Variants in FSTL4 observed in about 807,000 individuals in gnomAD.
FSTL4 encodes follistatin like 4.
A neutral mutation model predicts 78.2 loss-of-function variants in FSTL4; 28 were observed. The observed-to-expected ratio is 0.36, with a 90% confidence interval of 0.27 to 0.49. The LOEUF (loss-of-function observed/expected upper bound fraction) is 0.49. FSTL4 is among the 20% of genes least tolerant of loss of function. The pLI is 0.98. For synonymous variants in FSTL4, 422 were observed against 440.5 expected, an observed-to-expected ratio of 0.96 and a Z score of 0.53; for missense variants, 922 against 1,084.9, an observed-to-expected ratio of 0.85 and a Z score of 2.11.
intron 4 of FSTL4, among the ~76,000 whole-genome samples, chr5:133,396,247 G>A (rs1756042796): frequency 6.6e-6 from 1 of 152,212 alleles, no homozygotes. Flanking sequence ...TTGACACTGC[G>A]TAGAGAAGAA....
chr5:133,435,074 G>A (rs904807857), intron 3 of FSTL4, among the ~76,000 whole-genome samples: 1 of 152,122 alleles, frequency 6.6e-6, no homozygotes, highest in African/African-American at 2.4e-5. Context: ...ATATACAGAA[G>A]CTTAAAGATT....
At chr5:133,336,437 C>G (rs1216850385) in intron 4 of FSTL4, among the ~76,000 whole-genome samples, 1 of 152,240 alleles carries the variant, frequency 6.6e-6, no homozygotes, top group Non-Finnish European at 1.5e-5. Context: ...GACTTCCCTT[C>G]TGGCTGTCTC....
intron 4 of FSTL4, among the ~76,000 whole-genome samples, chr5:133,399,167 G>A (rs940742334): frequency 2.6e-5 from 4 of 152,176 alleles, no homozygotes; most frequent in Admixed American, 6.5e-5. Context: ...AAGGATATTG[G>A]AAACCAGAGA....
intron 3 of FSTL4, among the ~76,000 whole-genome samples, chr5:133,450,038 T>G (rs1441088173): frequency 6.6e-6 from 1 of 152,154 alleles, no homozygotes; most frequent in African/African-American, 2.4e-5. Flanking sequence ...GCTTTTGTGT[T>G]GGCAGCCCCT....
Position 133,356,811 on chromosome 5 carries a change from C to G in FSTL4, c.410-40159G>C, listed in dbSNP as rs548386151. Among the ~76,000 whole-genome samples, 5 of 152,366 alleles carry G rather than the reference C, an allele frequency of 3.3e-5. No individual in the cohort carries two copies. In the South Asian group the frequency reaches 1.0e-3, roughly 32 times the overall value. On this transcript the variant is annotated intron_variant, in intron 4 of 15. Transcript: ENST00000265342. ...AGTCTTTTTGGCAGGGGACCCCTCA[C>G]AGCTTCCTGCAGGACTTTTATGGGG... is the stretch of plus-strand genomic sequence containing the variant.
At chr5:133,511,346 G>A (rs545257780) in intron 3 of FSTL4, among the ~76,000 whole-genome samples, 28 of 152,246 alleles carry the variant, frequency 1.8e-4, no homozygotes, top group African/African-American at 5.8e-4. Flanking sequence ...CTGGATTTGC[G>A]CTGTTCCCTC....
chr5:133,491,045 A>C (rs1758255664), intron 3 of FSTL4, among the ~76,000 whole-genome samples: 1 of 152,044 alleles, frequency 6.6e-6, no homozygotes, highest in Non-Finnish European at 1.5e-5. Flanking sequence ...GTACACCAAA[A>C]CCCTGCAACA....
chr5:133,346,374 C>T (rs911019923), intron 4 of FSTL4, among the ~76,000 whole-genome samples: 11 of 152,134 alleles, frequency 7.2e-5, no homozygotes, highest in Non-Finnish European at 1.3e-4. Context: ...CAAACCTGCA[C>T]GTTCTGCACA....
chr5:133,749,778 C>T, the FSTL4 span, among the ~76,000 whole-genome samples: 1 of 152,312 alleles, frequency 6.6e-6, no homozygotes, highest in East Asian at 1.9e-4. Flanking sequence ...CTTCTCAGTC[C>T]TGTTGTGAGG....
chr5:133,490,999 T>C (rs1235374480), intron 3 of FSTL4, among the ~76,000 whole-genome samples: 1 of 152,168 alleles, frequency 6.6e-6, no homozygotes, highest in African/African-American at 2.4e-5. Flanking sequence ...AACAACTATC[T>C]TTACTATGCT....
chr5:133,556,673 G>C (rs577629826), intron 3 of FSTL4, among the ~76,000 whole-genome samples: 84 of 152,134 alleles, frequency 5.5e-4, no homozygotes, highest in Non-Finnish European at 1.0e-3. Flanking sequence ...GTTGCAAAAA[G>C]TTCAGGGCTC....
At chr5:133,478,010 C>T (rs1316584807) in intron 3 of FSTL4, among the ~76,000 whole-genome samples, 1 of 152,206 alleles carries the variant, frequency 6.6e-6, no homozygotes, top group South Asian at 2.1e-4. Flanking sequence ...TTAATGCCAG[C>T]CATACAAGTA....
At chr5:133,683,949 C>T in the FSTL4 span, among the ~76,000 whole-genome samples, 1 of 151,984 alleles carries the variant, frequency 6.6e-6, no homozygotes, top group Non-Finnish European at 1.5e-5. Context: ...ATTGCTGCTG[C>T]GTGTAGCTCA....
the FSTL4 span, among the ~76,000 whole-genome samples, chr5:133,738,967 C>T: frequency 1.3e-5 from 2 of 152,250 alleles, no homozygotes; most frequent in Non-Finnish European, 2.9e-5. Context: ...TTGGGGGCTG[C>T]ACAGGTTGCT....
intron 3 of FSTL4, among the ~76,000 whole-genome samples, chr5:133,414,240 C>T (rs10072452): frequency 6.6e-6 from 1 of 151,978 alleles, no homozygotes; most frequent in Non-Finnish European, 1.5e-5. Context: ...TATGGTTATA[C>T]ATTTTCAAGG....
chr5:133,614,848 G>C (rs2112990673), upstream of FSTL4, among the ~76,000 whole-genome samples: 1 of 152,212 alleles, frequency 6.6e-6, no homozygotes, highest in Non-Finnish European at 1.5e-5. Flanking sequence ...GCCCCACTCT[G>C]TTTTTGGTGA....
chr5:133,402,722 C>G (rs1252579321), intron 3 of FSTL4, among the ~76,000 whole-genome samples: 2 of 152,182 alleles, frequency 1.3e-5, no homozygotes, highest in Admixed American at 6.5e-5. Context: ...CATTTAAATT[C>G]CTCCAGCCTT....
chr5:133,668,960 G>C, the FSTL4 span, among the ~76,000 whole-genome samples: 3 of 152,098 alleles, frequency 2.0e-5, no homozygotes, highest in Non-Finnish European at 2.9e-5. Flanking sequence ...AGAAAGAAAA[G>C]GAATCAGATA....
chr5:133,716,310 T>C, the FSTL4 span, among the ~76,000 whole-genome samples: 1 of 152,192 alleles, frequency 6.6e-6, no homozygotes, highest in East Asian at 1.9e-4. Context: ...TGTTCATTCA[T>C]GCAGGCTTAT....
Sources: gnomAD v4.1 joint callset for allele counts (sites outside exome capture counted in the v4.1 genomes callset) on GRCh38, gnomAD v4.1.1 for gene constraint, MANE v1.5 for transcripts, NCBI Gene and HGNC (gene_info 2026-07-23, HGNC 2026-07-21) for gene names.